Variants in DNAH3 observed in about 807,000 individuals in gnomAD.
DNAH3 encodes dynein axonemal heavy chain 3.
Under a neutral mutation model 432.5 loss-of-function variants are expected in DNAH3, and 332 were observed. The ratio of observed to expected loss-of-function variants is 0.77; its 90% CI spans 0.70 to 0.84. The LOEUF (loss-of-function observed/expected upper bound fraction) is 0.84, where lower values mean the gene tolerates loss of function less well. DNAH3 is among the 40% of genes least tolerant of loss of function. The probability of loss-of-function intolerance (pLI) is 0.00; values close to 1 mark genes in which losing one functional copy is unlikely to be tolerated. For synonymous variants in DNAH3, 1,956 were observed against 1,900.2 expected, an observed-to-expected ratio of 1.03 and a Z score of -0.76; for missense variants, 4,861 against 5,114.0, an observed-to-expected ratio of 0.95 and a Z score of 1.51.
Position 20,975,153 on chromosome 16 carries a change from A to G in DNAH3, c.8259+80T>C, listed in dbSNP as rs1031594379. The G allele has an allele frequency of 2.3e-5, 35 of 1,527,252 alleles. No homozygotes were observed. In the African/African-American group the frequency reaches 4.3e-4, roughly 19 times the overall value. 94.6% of individuals were successfully genotyped at this position (1,527,252 alleles called of 1,614,324 possible). ...GCCTTGCCTACCCTTTCTGAGCCTC[A>G]CTTTTCTCATCCGTAAGATGGGTAT... On this transcript the variant is annotated intron_variant, in intron 51 of 61. Coordinates refer to ENST00000261383, the Ensembl canonical transcript of DNAH3.
At chr16:21,073,417 C>T (rs79945700) in intron 21 of DNAH3, among the ~76,000 whole-genome samples, 13,187 of 152,138 alleles carry the variant, frequency 0.087, 701 homozygotes, top group South Asian at 0.18. Context: ...CATGCAGCCA[C>T]GCTTCTGAGA....
chr16:20,988,004 G>C, exon 45 of DNAH3: 1 of 1,614,140 alleles, frequency 6.2e-7, no homozygotes, highest in Non-Finnish European at 8.5e-7. Flanking sequence ...TGAAAATCTT[G>C]GTTAAAATGT....
intron 40 of DNAH3, among the ~76,000 whole-genome samples, chr16:21,020,489 G>A (rs2088148664): frequency 1.5e-5 from 2 of 135,012 alleles, no homozygotes; most frequent in East Asian, 2.2e-4. Flanking sequence ...TGCAACCTCT[G>A]CCTCCTGGGT....
At position 20,968,617 on chromosome 16, in the gene DNAH3, T is replaced by C. The variant is rs554262830; in HGVS notation, c.8458+1175A>G. Among the ~76,000 whole-genome samples the C allele has an allele frequency of 4.6e-5, 7 of 152,228 alleles. No homozygotes were observed. In the South Asian group the frequency reaches 1.2e-3, roughly 27 times the overall value. On this transcript the variant is annotated intron_variant, in intron 52 of 61. Transcript: ENST00000261383. ...GCTTTCCTTCCTCCTTCCCCATTCC[T>C]TTCTGCCCGTTTCTAATTCTCTGTA...
exon 29 of DNAH3, chr16:21,051,834 C>T (rs1267992602): frequency 6.2e-7 from 1 of 1,614,056 alleles, no homozygotes; most frequent in Non-Finnish European, 8.5e-7. Context: ...GATCGGAGAC[C>T]CTGTCCTCAG....
intron 3 of DNAH3, 84 bp downstream of exon 4, chr16:21,145,097 G>T: frequency 8.2e-7 from 1 of 1,221,828 alleles, no homozygotes; most frequent in Non-Finnish European, 1.2e-6. Flanking sequence ...GGGCGACAGA[G>T]TGAGACTCCA....
chr16:20,987,758 A>G (rs749065624), exon 46 of DNAH3: 1 of 1,614,176 alleles, frequency 6.2e-7, no homozygotes, highest in Non-Finnish European at 8.5e-7. Context: ...CGCAGGTTAA[A>G]GACGTAATGT....
intron 1 of DNAH3, among the ~76,000 whole-genome samples, chr16:21,153,059 C>T (rs957024360): frequency 2.0e-5 from 3 of 152,362 alleles, no homozygotes; most frequent in East Asian, 3.9e-4. Flanking sequence ...CAGCTGGGCT[C>T]CTGAGTCTGA....
At position 21,011,335 on chromosome 16, in the gene DNAH3, A is replaced by C. The variant is rs142861645; in HGVS notation, c.6023-8128T>G. On this transcript the variant is annotated intron_variant, in intron 41 of 61. Transcript: ENST00000261383. ...ATATGGAGATTAACCTGAATAATTT[A>C]TCTCTGAACTTTCTTTTTCTTTTGA... 5.0e-3 allele frequency among the ~76,000 whole-genome samples: 763 copies of C among 152,288 alleles called. 6 individuals are homozygous for C. The highest frequency in any genetic ancestry group is 0.018 in the African/African-American group (731 of 41,562).
At chr16:21,124,169 T>C (rs371709944) in intron 9 of DNAH3, among the ~76,000 whole-genome samples, 2 of 152,344 alleles carry the variant, frequency 1.3e-5, no homozygotes, top group South Asian at 2.1e-4. Context: ...CAAAGCCTTT[T>C]GTCTTTAGAG....
chr16:20,988,644 T>A (rs920615746), intron 44 of DNAH3, among the ~76,000 whole-genome samples: 2 of 152,202 alleles, frequency 1.3e-5, no homozygotes, highest in African/African-American at 4.8e-5. Context: ...TACATGATCA[T>A]TGTAAAAGAG....
intron 42 of DNAH3, among the ~76,000 whole-genome samples, chr16:21,002,362 T>C (rs528875719): frequency 6.6e-6 from 1 of 152,176 alleles, no homozygotes; most frequent in East Asian, 1.9e-4. Flanking sequence ...AGAATTCTGA[T>C]CAAGAAAATC....
chr16:21,002,824 G>T lies in DNAH3; in HGVS notation c.6126+280C>A, dbSNP rs13334964. Among the ~76,000 whole-genome samples the T allele has an allele frequency of 5.1e-3, 774 of 152,186 alleles. 7 individuals carry two copies. Among genetic ancestry groups the T allele is most frequent in the African/African-American group, 0.018 (735 of 41,518 alleles). On this transcript the variant is annotated intron_variant, in intron 42 of 61. Coordinates refer to ENST00000261383, the Ensembl canonical transcript of DNAH3. ...GCAACAAACACTGATGTAGCCCCTAGCATGTGCCATGTGTTCATGTATAAC... is the reference window on the plus strand; with the variant it reads ...GCAACAAACACTGATGTAGCCCCTATCATGTGCCATGTGTTCATGTATAAC...
chr16:21,063,586 G>A (rs982307394), intron 24 of DNAH3, among the ~76,000 whole-genome samples: 6 of 144,312 alleles, frequency 4.2e-5, no homozygotes, highest in Admixed American at 2.8e-4. Flanking sequence ...TCTGTCACCC[G>A]GCCTGGAGTG....
At chr16:21,001,642 G>A (rs1297739137) in intron 42 of DNAH3, among the ~76,000 whole-genome samples, 1 of 152,176 alleles carries the variant, frequency 6.6e-6, no homozygotes, top group African/African-American at 2.4e-5. Flanking sequence ...TTAAGTATGG[G>A]TGTTTTGCCT....
intron 52 of DNAH3, among the ~76,000 whole-genome samples, chr16:20,967,490 TGC>T (rs1491270983): frequency 2.2e-5 from 3 of 134,284 alleles, no homozygotes; most frequent in African/African-American, 5.9e-5. Flanking sequence ...CACAGACTTC[TGC>T]TTTTTTTTTT....
At position 21,097,442 on chromosome 16, in the gene DNAH3, G is replaced by A. The variant is rs1388902478; in HGVS notation, c.2578C>T (p.Gln860Ter). The A allele has an allele frequency of 6.2e-7, 1 of 1,613,972 alleles. No individual in the cohort carries two copies. Among genetic ancestry groups the A allele is most frequent in the Admixed American group, 1.7e-5 (1 of 59,998 alleles). The change falls in exon 18 of 62, where the codon CAG (glutamine) becomes TAG (stop). Residue 860 changes from glutamine to a stop codon, truncating the protein, a stop_gained. Transcript: ENST00000261383. LOFTEE classifies it high-confidence loss of function. ...GGTACTTTGTTCTTCAGCATGGCCT[G>A]CAGAAGAGGGTAAGTACTCTTCTCC...
chr16:21,075,570 A>G lies in DNAH3; in HGVS notation c.2970-9T>C. 1.3e-6 allele frequency: 2 copies of G among 1,599,372 alleles called. No individual in the cohort carries two copies. Among genetic ancestry groups the G allele is most frequent in the Middle Eastern group, 1.7e-4 (1 of 6,046 alleles). Reference sequence around the variant, plus strand: ...CACCAATGGGCTCCAATCTAAAGAGAGAACACAGCAACAGCAACATCAACA... The same window carrying G: ...CACCAATGGGCTCCAATCTAAAGAGGGAACACAGCAACAGCAACATCAACA... On this transcript the variant is annotated splice_polypyrimidine_tract_variant and intron_variant, in intron 20 of 61. Coordinates refer to ENST00000261383, the Ensembl canonical transcript of DNAH3.
intron 57 of DNAH3, among the ~76,000 whole-genome samples, chr16:20,946,193 T>C (rs192442435): frequency 7.2e-5 from 11 of 152,320 alleles, no homozygotes; most frequent in Admixed American, 5.9e-4. Flanking sequence ...CTATTCTCTC[T>C]GAAGCCTGCT....
Sources: gnomAD v4.1 joint callset for allele counts (sites outside exome capture counted in the v4.1 genomes callset) on GRCh38, gnomAD v4.1.1 for gene constraint, MANE v1.5 for transcripts, NCBI Gene and HGNC (gene_info 2026-07-23, HGNC 2026-07-21) for gene names.